Variants in COL21A1 observed in about 807,000 individuals in gnomAD.
The protein encoded by COL21A1 is collagen type XXI alpha 1 chain.
In COL21A1, 149 loss-of-function variants were observed where a neutral mutation model predicts 137.9. The ratio of observed to expected loss-of-function variants is 1.08; its 90% CI spans 0.95 to 1.24. The LOEUF (loss-of-function observed/expected upper bound fraction) is 1.24. Ranked by LOEUF, COL21A1 falls within the 50% of genes most tolerant of loss-of-function variation. COL21A1 has a pLI of 0.00. For missense variants in COL21A1, 1,167 were observed against 1,158.4 expected (o/e 1.01, Z -0.11); for synonymous variants, 456 against 391.5 (o/e 1.16, Z -1.95).
chr6:56,215,971 G>A (rs902804291), intron 1 of COL21A1, among the ~76,000 whole-genome samples: 2 of 152,138 alleles, frequency 1.3e-5, no homozygotes, highest in Admixed American at 1.3e-4. Context: ...TTCCTTGAGG[G>A]CAGAGTTTAA....
chr6:56,081,702 A>C (rs536495994), intron 17 of COL21A1, among the ~76,000 whole-genome samples: 6 of 152,008 alleles, frequency 3.9e-5, no homozygotes, highest in African/African-American at 1.4e-4. Context: ...CTTGATAAGG[A>C]AATGAACAGT....
intron 1 of COL21A1, among the ~76,000 whole-genome samples, chr6:56,211,738 A>T (rs997167268): frequency 1.3e-5 from 2 of 152,090 alleles, no homozygotes; most frequent in Non-Finnish European, 2.9e-5. Flanking sequence ...TTCACTGGGT[A>T]AGCCTCTAAA....
intron 12 of COL21A1, among the ~76,000 whole-genome samples, chr6:56,137,270 A>G (rs1391821465): frequency 1.3e-5 from 2 of 152,180 alleles, no homozygotes; most frequent in African/African-American, 4.8e-5. Context: ...ATGCATATGG[A>G]CAAAATTGAT....
At chr6:56,100,208 T>C (rs12212135) in intron 17 of COL21A1, among the ~76,000 whole-genome samples, 23,114 of 152,180 alleles carry the variant, frequency 0.15, 1,781 homozygotes, top group Middle Eastern at 0.22. Flanking sequence ...CATATGTGTC[T>C]TCATTCAGAT....
At chr6:56,167,167 A>G (rs182621190) in intron 6 of COL21A1, among the ~76,000 whole-genome samples, 184 bp from the exon 7 acceptor site, 3 of 152,374 alleles carry the variant, frequency 2.0e-5, no homozygotes, top group South Asian at 2.1e-4. Context: ...GTGATGCAAC[A>G]TAACTACTAA....
intron 20 of COL21A1, among the ~76,000 whole-genome samples, chr6:56,073,423 T>C (rs991859399): frequency 4.0e-5 from 6 of 151,410 alleles, no homozygotes; most frequent in African/African-American, 1.5e-4. Context: ...CTAAATACTT[T>C]AGAAATTAAA....
chr6:56,171,150 AG>A, intron 3 of COL21A1, 22 bp from the exon 4 acceptor site: 1 of 1,559,894 alleles, frequency 6.4e-7, no homozygotes, highest in Non-Finnish European at 8.6e-7. Context: ...AAGCAATAAA[AG>A]TTGGTTAATC....
chr6:56,167,906 A>G (rs1003675861), intron 6 of COL21A1, among the ~76,000 whole-genome samples: 24 of 152,128 alleles, frequency 1.6e-4, no homozygotes, highest in Admixed American at 6.5e-5. Context: ...CCAGGGGAAC[A>G]TTTTTCTAAA....
intron 1 of COL21A1, among the ~76,000 whole-genome samples, chr6:56,286,357 G>A (rs4435945): frequency 0.16 from 23,832 of 151,962 alleles, 3,366 homozygotes; most frequent in East Asian, 0.59. Flanking sequence ...ATACATACAC[G>A]CACACATACC....
intron 1 of COL21A1, among the ~76,000 whole-genome samples, chr6:56,235,132 G>C (rs976188428): frequency 3.3e-5 from 5 of 151,766 alleles, no homozygotes; most frequent in Non-Finnish European, 5.9e-5. Context: ...TCAGGGTCTA[G>C]GTAATAAACA....
chr6:56,273,072 A>C (rs1763564835), intron 1 of COL21A1, among the ~76,000 whole-genome samples: 2 of 152,224 alleles, frequency 1.3e-5, no homozygotes, highest in African/African-American at 4.8e-5. Flanking sequence ...TTCAATATCA[A>C]GAAGATCTTT....
At chr6:56,277,150 T>C (rs2152333386) in intron 1 of COL21A1, among the ~76,000 whole-genome samples, 1 of 152,192 alleles carries the variant, frequency 6.6e-6, no homozygotes, top group Admixed American at 6.5e-5. Context: ...TTTTTTGTTT[T>C]GTTTTGTTTT....
chr6:56,374,211 T>C (rs2093995172), intron 1 of COL21A1, among the ~76,000 whole-genome samples: 1 of 152,168 alleles, frequency 6.6e-6, no homozygotes, highest in Non-Finnish European at 1.5e-5. Flanking sequence ...AAGACCACCT[T>C]ACAAAGACCT....
chr6:56,297,992 A>G (rs1764199221), intron 1 of COL21A1, among the ~76,000 whole-genome samples: 1 of 152,056 alleles, frequency 6.6e-6, no homozygotes, highest in Non-Finnish European at 1.5e-5. Context: ...CTGGTGTGGA[A>G]CCAGAATATC....
Position 56,281,029 on chromosome 6 carries a change from T to A in COL21A1, c.-38-98373A>T, listed in dbSNP as rs111558135. On this transcript the variant is annotated intron_variant, in intron 1 of 28. Transcript: ENST00000370819. Reference sequence around the variant, plus strand: ...CAAAAAATAAAGATAAAAAAAGTAATTTACCCAAATCTGCCTGACTATAAA... The same window carrying A: ...CAAAAAATAAAGATAAAAAAAGTAAATTACCCAAATCTGCCTGACTATAAA... Among the ~76,000 whole-genome samples the A allele has an allele frequency of 6.2e-3, 940 of 152,040 alleles. 13 individuals are homozygous for A. The highest frequency in any genetic ancestry group is 0.021 in the African/African-American group (872 of 41,474).
intron 1 of COL21A1, among the ~76,000 whole-genome samples, chr6:56,348,863 C>T (rs1016423015): frequency 3.9e-5 from 6 of 152,168 alleles, no homozygotes; most frequent in Non-Finnish European, 8.8e-5. Context: ...AGAATCCTCA[C>T]ATCATTTATC....
intron 17 of COL21A1, among the ~76,000 whole-genome samples, chr6:56,098,626 AATAT>A (rs1179640372): frequency 1.7e-4 from 2 of 11,830 alleles, no homozygotes; most frequent in Middle Eastern, 0.031. Flanking sequence ...AATATATATA[AATAT>A]ATATATAAAT....
chr6:56,195,649 C>G (rs1326831032), intron 1 of COL21A1, among the ~76,000 whole-genome samples: 2 of 151,896 alleles, frequency 1.3e-5, no homozygotes, highest in African/African-American at 4.8e-5. Context: ...AAATAAATTT[C>G]TAGAAACTTA....
At chr6:56,126,390 AC>A (rs1185291507) in intron 12 of COL21A1, 2 of 398,362 alleles carry the variant, frequency 5.0e-6, no homozygotes, top group Non-Finnish European at 9.0e-6. Flanking sequence ...TCCTGACTCC[AC>A]CCTTAGTTAG....
Sources: gnomAD v4.1 joint callset for allele counts (sites outside exome capture counted in the v4.1 genomes callset) on GRCh38, gnomAD v4.1.1 for gene constraint, MANE v1.5 for transcripts, NCBI Gene and HGNC (gene_info 2026-07-23, HGNC 2026-07-21) for gene names.